The following EFCAB8 variants were observed in gnomAD, a reference collection of about 807,000 sequenced individuals.
EFCAB8 encodes EF-hand calcium-binding domain-containing protein 8.
Under a neutral mutation model 116.3 loss-of-function variants are expected in EFCAB8, and 100 were observed. That is an observed-to-expected ratio of 0.86 (90% CI 0.73 to 1.02). EFCAB8 has a LOEUF of 1.02. Among genes scored for constraint, EFCAB8 ranks in the 50% least tolerant of loss-of-function variants. The probability of loss-of-function intolerance (pLI) is 0.00; values close to 1 mark genes in which losing one functional copy is unlikely to be tolerated. For synonymous variants in EFCAB8, 558 were observed against 567.9 expected (o/e 0.98, Z 0.25); for missense variants, 1,320 against 1,416.9 (o/e 0.93, Z 1.10).
chr20:32,913,707 G>A (rs533894890), intron 17 of EFCAB8, among the ~76,000 whole-genome samples: 56 of 123,916 alleles, frequency 4.5e-4, no homozygotes, highest in South Asian at 2.1e-4. Context: ...AACCTGTGAT[G>A]CTAACACGTT....
chr20:32,900,296 T>G (rs1986365155), intron 11 of EFCAB8, among the ~76,000 whole-genome samples: 1 of 152,212 alleles, frequency 6.6e-6, no homozygotes, highest in Non-Finnish European at 1.5e-5. Flanking sequence ...GGGAAGTGAC[T>G]GTCTTAGAGC....
intron 23 of EFCAB8, among the ~76,000 whole-genome samples, chr20:32,952,027 A>T (rs1229765379): frequency 6.6e-6 from 1 of 152,116 alleles, no homozygotes. Flanking sequence ...TGGGGGGCCA[A>T]AGTGGGTGGA....
chr20:32,863,671 C>A, intron 1 of EFCAB8, 112 bp from the exon 2 acceptor site: 1 of 997,514 alleles, frequency 1.0e-6, no homozygotes, highest in Non-Finnish European at 1.5e-6. Context: ...GGGAAGCCAC[C>A]CTCTCCCTTG....
intron 11 of EFCAB8, among the ~76,000 whole-genome samples, chr20:32,906,033 C>A (rs915966916): frequency 6.6e-6 from 1 of 152,110 alleles, no homozygotes; most frequent in Non-Finnish European, 1.5e-5. Flanking sequence ...CAGGGCAGTT[C>A]TATTCTTGGG....
In EFCAB8 at chr20:32,961,145, C is replaced by G. The variant is rs1355027301; in HGVS notation, c.3403C>G (p.Gln1135Glu). The G allele has an allele frequency of 6.4e-7, 1 of 1,552,092 alleles. No homozygotes were observed. The highest frequency in any genetic ancestry group is 1.4e-5 in the African/African-American group (1 of 73,052). Residue 1135 changes from glutamine (Q) to glutamate (E), a missense_variant, in exon 27 of 27, where the codon CAG becomes GAG. Gln to Glu is a conservative substitution (Grantham distance 29, BLOSUM62 2). Coordinates refer to ENST00000400522, the MANE Select transcript of EFCAB8 (RefSeq NM_001143967.2). The stretch of plus-strand genomic sequence containing the variant: ...ACTCTGTTCCCTGCAGATCTCGCCT[C>G]AGGTCTACCAAAGCCTGCACTTCAG... ...YGWMKHQISP[Q>E]VYQSLHFSDL...
intron 3 of EFCAB8, among the ~76,000 whole-genome samples, chr20:32,868,619 G>T (rs1568897543): frequency 2.6e-5 from 4 of 152,204 alleles, no homozygotes; most frequent in South Asian, 2.1e-4. Context: ...TCACCTCACA[G>T]TTCTGGTGGG....
rs758250826 is a variant in EFCAB8 at position 32,868,603 on chromosome 20, C to T, written c.208+856C>T. 1.5e-3 allele frequency among the ~76,000 whole-genome samples: 222 copies of T among 152,284 alleles called. 2 individuals are homozygous for T. Among genetic ancestry groups the T allele is most frequent in the Non-Finnish European group, 3.5e-4 (24 of 68,034 alleles). On this transcript the variant is annotated intron_variant, in intron 3 of 26. Transcript: ENST00000400522. ...AGTCTTAGTGGCTTAAACCAATGCA[C>T]GTTTATCACCTCACAGTTCTGGTGG... is the stretch of plus-strand genomic sequence containing the variant.
At chr20:32,928,998 G>A (rs1367706275) in intron 20 of EFCAB8, among the ~76,000 whole-genome samples, 1 of 151,208 alleles carries the variant, frequency 6.6e-6, no homozygotes, top group Admixed American at 6.6e-5. Flanking sequence ...ATTTTTATAT[G>A]TTGAATCATC....
intron 23 of EFCAB8, among the ~76,000 whole-genome samples, chr20:32,956,621 T>C (rs1339953740): frequency 6.6e-6 from 1 of 152,220 alleles, no homozygotes; most frequent in African/African-American, 2.4e-5. Flanking sequence ...AGTGGTCTTC[T>C]GGTGTTGATA....
chr20:32,918,575 G>A lies in EFCAB8; in HGVS notation c.2274+1G>A, dbSNP rs1207941834. ...GCCAGACAGGCCTGTGCCCCAGCAG[G>A]TGGGAGCGAGAGCCCAACCAGAAGG... is the stretch of plus-strand genomic sequence containing the variant. On this transcript the variant is annotated splice_donor_variant, in intron 19 of 26. Transcript: ENST00000400522. LOFTEE classifies it high-confidence loss of function. 6 of 1,551,346 alleles carry A rather than the reference G, an allele frequency of 3.9e-6. No individual in the cohort carries two copies. The highest frequency in any genetic ancestry group is 5.2e-6 in the Non-Finnish European group (6 of 1,146,940).
chr20:32,897,893 G>A (rs1210132918), intron 10 of EFCAB8, among the ~76,000 whole-genome samples: 3 of 152,150 alleles, frequency 2.0e-5, no homozygotes, highest in Non-Finnish European at 4.4e-5. Context: ...TCTCCAACCC[G>A]CCTTTTCCAT....
At chr20:32,949,272 T>C (rs1988727013) in intron 23 of EFCAB8, among the ~76,000 whole-genome samples, 1 of 152,172 alleles carries the variant, frequency 6.6e-6, no homozygotes, top group South Asian at 2.1e-4. Context: ...CTACAAAACA[T>C]TGCTGAGACA....
chr20:32,926,557 T>C, intron 20 of EFCAB8, among the ~76,000 whole-genome samples: 1 of 150,464 alleles, frequency 6.6e-6, no homozygotes. Context: ...ATGTGCACAA[T>C]GTGCAGGTTA....
chr20:32,901,993 T>C (rs560076498), intron 11 of EFCAB8, among the ~76,000 whole-genome samples: 1 of 152,346 alleles, frequency 6.6e-6, no homozygotes, highest in Admixed American at 6.5e-5. Context: ...GCCTTGTTTT[T>C]TAAATTAATT....
chr20:32,917,204 G>C, intron 17 of EFCAB8, 97 bp from the exon 18 acceptor site: 1 of 955,628 alleles, frequency 1.0e-6, no homozygotes, highest in Admixed American at 2.4e-5. Context: ...CCTCCTCTGA[G>C]TCGGCTCCCA....
chr20:32,959,481 A>G (rs1302890524), intron 24 of EFCAB8, among the ~76,000 whole-genome samples: 2 of 152,228 alleles, frequency 1.3e-5, no homozygotes, highest in African/African-American at 4.8e-5. Flanking sequence ...GGGGGCAGAC[A>G]TGTTTAAATA....
At chr20:32,930,646 GGCT>G in intron 21 of EFCAB8, 30 bp downstream of exon 21, 1 of 1,544,272 alleles carries the variant, frequency 6.5e-7, no homozygotes, top group South Asian at 1.2e-5. Context: ...AAGATTGAGG[GGCT>G]GGTGCCAGCT....
At chr20:32,939,073 CCAA>C (rs1988242580) in intron 22 of EFCAB8, among the ~76,000 whole-genome samples, 1 of 136,586 alleles carries the variant, frequency 7.3e-6, no homozygotes, top group South Asian at 2.4e-4. Flanking sequence ...TTCTCTCTCC[CCAA>C]CTTCTTTCTT....
chr20:32,918,883 A>G (rs114778998), intron 19 of EFCAB8, among the ~76,000 whole-genome samples: 129 of 152,258 alleles, frequency 8.5e-4, no homozygotes, highest in African/African-American at 3.1e-3. Context: ...TGGATGTTAG[A>G]TCCTGGGCTG....
Sources: allele counts gnomAD v4.1 joint callset (sites outside exome capture counted in the v4.1 genomes callset), GRCh38; gene constraint gnomAD v4.1.1; transcripts MANE v1.5; gene names NCBI Gene and HGNC (gene_info 2026-07-23, HGNC 2026-07-21).